PCDH15: variants seen among roughly 807,000 people sequenced by gnomAD.
PCDH15 encodes the protein protocadherin-15.
In PCDH15, 129 loss-of-function variants were observed where a neutral mutation model predicts 178.5. That is an observed-to-expected ratio of 0.72 (90% CI 0.63 to 0.84). The LOEUF (loss-of-function observed/expected upper bound fraction) is 0.84. Ranked by LOEUF, PCDH15 falls within the 40% of genes least tolerant of loss-of-function variation. The probability of loss-of-function intolerance (pLI) is 0.00; values close to 1 mark genes in which losing one functional copy is unlikely to be tolerated. For missense variants in PCDH15, 2,230 were observed against 2,099.9 expected (o/e 1.06, Z -1.21); for synonymous variants, 800 against 732.0 (o/e 1.09, Z -1.50).
intron 2 of PCDH15, among the ~76,000 whole-genome samples, chr10:55,043,343 C>T (rs559325951): frequency 2.0e-5 from 3 of 152,054 alleles, no homozygotes; most frequent in South Asian, 4.2e-4. Context: ...GATGCACTCA[C>T]CTGACTAATT....
intron 2 of PCDH15, among the ~76,000 whole-genome samples, chr10:55,051,414 C>A (rs1841156982): frequency 6.6e-6 from 1 of 151,996 alleles, no homozygotes; most frequent in Non-Finnish European, 1.5e-5. Context: ...TTCTTCATTT[C>A]TATTAGTTTG....
chr10:54,966,690 A>G (rs1332664216), intron 2 of PCDH15, among the ~76,000 whole-genome samples: 1 of 152,092 alleles, frequency 6.6e-6, no homozygotes, highest in African/African-American at 2.4e-5. Flanking sequence ...ATGGTAGTGA[A>G]TAAGTCTCAT....
At chr10:55,466,444 A>G (rs546138640) in intron 2 of PCDH15, among the ~76,000 whole-genome samples, 98 of 152,330 alleles carry the variant, frequency 6.4e-4, no homozygotes, top group Non-Finnish European at 1.2e-3. Flanking sequence ...TTGTTAATCA[A>G]TTACTACATA....
chr10:55,540,293 A>C (rs1358188935), intron 2 of PCDH15, among the ~76,000 whole-genome samples: 1 of 152,102 alleles, frequency 6.6e-6, no homozygotes, highest in Non-Finnish European at 1.5e-5. Context: ...TTTAAGAAGA[A>C]TGCTGCAAAG....
intron 1 of PCDH15, among the ~76,000 whole-genome samples, chr10:54,756,056 AACAC>A (rs71014414): frequency 0.12 from 8,659 of 71,594 alleles, 327 homozygotes; most frequent in South Asian, 0.27. Context: ...CTCTACTAAA[AACAC>A]ACACACACAC....
At chr10:55,041,550 AT>A (rs199933044) in intron 2 of PCDH15, among the ~76,000 whole-genome samples, 8 of 151,506 alleles carry the variant, frequency 5.3e-5, no homozygotes, top group African/African-American at 1.5e-4. Context: ...AATGTCCTGC[AT>A]TTTTTTTTCT....
chr10:55,189,438 C>A (rs1374798497), intron 1 of PCDH15, among the ~76,000 whole-genome samples: 1 of 151,726 alleles, frequency 6.6e-6, no homozygotes, highest in Admixed American at 6.6e-5. Flanking sequence ...AAAATCAAAC[C>A]ATTTCTTGCT....
chr10:55,497,660 T>C (rs1840565206), intron 2 of PCDH15, among the ~76,000 whole-genome samples: 1 of 151,854 alleles, frequency 6.6e-6, no homozygotes, highest in Admixed American at 6.6e-5. Context: ...CAATAGAAGA[T>C]ATAAAACAGT....
intron 2 of PCDH15, among the ~76,000 whole-genome samples, chr10:55,088,144 T>A (rs1283350392): frequency 6.6e-6 from 1 of 152,104 alleles, no homozygotes; most frequent in Non-Finnish European, 1.5e-5. Context: ...TCTATGTCTA[T>A]CATATGAAAT....
chr10:53,823,447 T>TTAAA (rs1564541434), intron 32 of PCDH15: 3 of 1,204,942 alleles, frequency 2.5e-6, no homozygotes, highest in African/African-American at 1.5e-5. Context: ...CTCATTACTA[T>TTAAA]TAAATACTTA....
intron 3 of PCDH15, among the ~76,000 whole-genome samples, chr10:54,863,931 C>A (rs1454927135): frequency 3.9e-5 from 6 of 152,062 alleles, no homozygotes; most frequent in Non-Finnish European, 8.8e-5. Flanking sequence ...TGAATACTTG[C>A]CTAATTGGAC....
intron 3 of PCDH15, among the ~76,000 whole-genome samples, chr10:54,449,077 C>T (rs566986132): frequency 3.2e-4 from 49 of 151,740 alleles, no homozygotes; most frequent in African/African-American, 1.1e-3. Flanking sequence ...TCCTTGGCTA[C>T]GGCAGGGAAG....
intron 2 of PCDH15, among the ~76,000 whole-genome samples, chr10:55,045,864 C>A (rs952297680): frequency 4.6e-5 from 7 of 151,846 alleles, no homozygotes; most frequent in South Asian, 4.1e-4. Context: ...ACTCTCACCA[C>A]AAAATTAATG....
At chr10:54,693,444 T>G (rs144333676) in intron 1 of PCDH15, among the ~76,000 whole-genome samples, 44 of 152,266 alleles carry the variant, frequency 2.9e-4, no homozygotes, top group Middle Eastern at 3.4e-3. Context: ...CATTCTAAAT[T>G]GACAACATTT....
chr10:55,156,371 A>G (rs1838890395), intron 2 of PCDH15, among the ~76,000 whole-genome samples: 1 of 152,130 alleles, frequency 6.6e-6, no homozygotes, highest in Non-Finnish European at 1.5e-5. Context: ...GGTCTTTGGT[A>G]TAGGTAAAGC....
intron 2 of PCDH15, among the ~76,000 whole-genome samples, chr10:55,414,741 A>T (rs1347396645): frequency 2.0e-5 from 3 of 149,904 alleles, no homozygotes; most frequent in South Asian, 2.1e-4. Context: ...CTGTAACTTT[A>T]CTGAATTCAT....
At chr10:54,769,741 G>C (rs1227174548) in intron 1 of PCDH15, among the ~76,000 whole-genome samples, 2 of 152,004 alleles carry the variant, frequency 1.3e-5, no homozygotes, top group Admixed American at 1.3e-4. Flanking sequence ...GTCCAGCTCT[G>C]GTGTCTGTAT....
At chr10:54,756,552 C>T (rs924908606) in intron 1 of PCDH15, among the ~76,000 whole-genome samples, 5 of 152,156 alleles carry the variant, frequency 3.3e-5, no homozygotes, top group African/African-American at 1.2e-4. Flanking sequence ...TGGGCTCACA[C>T]AGATCTTGGA....
intron 15 of PCDH15, 82 bp downstream of exon 15, chr10:54,132,793 C>T: frequency 6.5e-7 from 1 of 1,545,126 alleles, no homozygotes; most frequent in South Asian, 1.2e-5. Context: ...TCCCTCCATA[C>T]ACAAATATAA....
Sources: allele counts gnomAD v4.1 joint callset (sites outside exome capture counted in the v4.1 genomes callset), GRCh38; gene constraint gnomAD v4.1.1; transcripts MANE v1.5; gene names NCBI Gene and HGNC (gene_info 2026-07-23, HGNC 2026-07-21).